ACSS2: variants seen among roughly 807,000 people sequenced by gnomAD.
ACSS2 encodes acetyl-coenzyme A synthetase, cytoplasmic.
Under a neutral mutation model 90.6 loss-of-function variants are expected in ACSS2, and 58 were observed. That is an observed-to-expected ratio of 0.64 (90% CI 0.52 to 0.80). The LOEUF (loss-of-function observed/expected upper bound fraction) is 0.80. Ranked by LOEUF, ACSS2 falls within the 30% of genes least tolerant of loss-of-function variation. ACSS2 has a pLI of 0.00. For missense variants in ACSS2, 759 were observed against 912.0 expected (o/e 0.83, Z 2.16); for synonymous variants, 300 against 330.9 (o/e 0.91, Z 1.01).
intron 14 of ACSS2, among the ~76,000 whole-genome samples, chr20:34,925,071 G>A (rs1181235591): frequency 1.3e-5 from 2 of 152,218 alleles, no homozygotes; most frequent in African/African-American, 2.4e-5. Flanking sequence ...ATGGAGAATA[G>A]AGTTTAGGTG....
chr20:34,879,050 G>A (rs1440262164), intron 1 of ACSS2, among the ~76,000 whole-genome samples: 1 of 151,216 alleles, frequency 6.6e-6, no homozygotes, highest in Non-Finnish European at 1.5e-5. Context: ...GACTACAGGC[G>A]CCCGCTACCA....
At chr20:34,879,527 A>ACACACACACC (rs1411624405) in intron 1 of ACSS2, among the ~76,000 whole-genome samples, 2 of 70,690 alleles carry the variant, frequency 2.8e-5, no homozygotes, top group African/African-American at 2.5e-4. Flanking sequence ...ACACACACAC[A>ACACACACACC]CCCCTACCCC....
chr20:34,922,689 A>T (rs2081229108), intron 13 of ACSS2, among the ~76,000 whole-genome samples: 1 of 152,372 alleles, frequency 6.6e-6, no homozygotes, highest in Non-Finnish European at 1.5e-5. Context: ...AGAGAAACTA[A>T]CAATTAGTAC....
chr20:34,901,385 A>G (rs934310764), intron 2 of ACSS2, among the ~76,000 whole-genome samples: 3 of 152,058 alleles, frequency 2.0e-5, no homozygotes, highest in African/African-American at 7.2e-5. Flanking sequence ...ATGAGCCACC[A>G]TATCTGGCCC....
chr20:34,899,772 T>C (rs2080601122), intron 2 of ACSS2, among the ~76,000 whole-genome samples: 1 of 151,950 alleles, frequency 6.6e-6, no homozygotes, highest in Admixed American at 6.6e-5. Context: ...CAGGCATGAG[T>C]CACCACACCT....
At chr20:34,890,176 G>A (rs1237911750) in intron 2 of ACSS2, among the ~76,000 whole-genome samples, 1 of 148,672 alleles carries the variant, frequency 6.7e-6, no homozygotes, top group African/African-American at 2.5e-5. Context: ...GTGTGTAGAT[G>A]GTGGAGAGAC....
chr20:34,919,852 T>G (rs904270837), intron 8 of ACSS2, among the ~76,000 whole-genome samples: 1 of 152,026 alleles, frequency 6.6e-6, no homozygotes, highest in African/African-American at 2.4e-5. Flanking sequence ...GAAGGAGAGC[T>G]ATTCTGTTAA....
intron 14 of ACSS2, among the ~76,000 whole-genome samples, chr20:34,923,801 T>TGCCCCCCCCCCCC (rs2081253773): frequency 9.3e-6 from 1 of 107,128 alleles, no homozygotes; most frequent in Admixed American, 1.0e-4. Flanking sequence ...GAGGGATCTG[T>TGCCCCCCCCCCCC]CCCCCCCGCC....
At chr20:34,903,754 G>T (rs1013702370) in intron 2 of ACSS2, among the ~76,000 whole-genome samples, 1 of 151,658 alleles carries the variant, frequency 6.6e-6, no homozygotes, top group Admixed American at 6.6e-5. Flanking sequence ...ATAAAGAGGG[G>T]AGCTGGGTGC....
chr20:34,909,042 A>C (rs1601343500), intron 2 of ACSS2: 1 of 387,156 alleles, frequency 2.6e-6, no homozygotes, highest in East Asian at 8.0e-5. Flanking sequence ...GCAGCTGAGA[A>C]AGATAATGAA....
At chr20:34,925,854 T>C (rs527604100) in intron 15 of ACSS2, 88 bp downstream of exon 15, 44 of 1,457,460 alleles carry the variant, frequency 3.0e-5, no homozygotes, top group Non-Finnish European at 3.9e-5. Flanking sequence ...CCCAGGAGTG[T>C]CCTTTGGCCA....
intron 2 of ACSS2, among the ~76,000 whole-genome samples, chr20:34,901,465 C>G (rs920357848): frequency 6.6e-6 from 1 of 152,086 alleles, no homozygotes; most frequent in Non-Finnish European, 1.5e-5. Context: ...CTCCTTCAGC[C>G]CTTCTTGATA....
intron 2 of ACSS2, among the ~76,000 whole-genome samples, chr20:34,886,811 A>G (rs987092694): frequency 6.6e-6 from 1 of 152,134 alleles, no homozygotes; most frequent in Non-Finnish European, 1.5e-5. Context: ...TAAAAATGAC[A>G]TCTTTTCTGT....
chr20:34,877,909 C>CAGAT (rs71196766), intron 1 of ACSS2, among the ~76,000 whole-genome samples: 8,035 of 146,558 alleles, frequency 0.055, 316 homozygotes, highest in Admixed American at 0.12. Flanking sequence ...GATAGATAGA[C>CAGAT]AGATAGATAG....
intron 2 of ACSS2, among the ~76,000 whole-genome samples, chr20:34,894,247 T>C (rs987047496): frequency 6.6e-6 from 1 of 152,034 alleles, no homozygotes; most frequent in Admixed American, 6.6e-5. Context: ...CCCAGAACTT[T>C]GGGAGACTGA....
intron 2 of ACSS2, among the ~76,000 whole-genome samples, chr20:34,889,057 T>A (rs113045671): frequency 7.9e-5 from 12 of 150,944 alleles, no homozygotes; most frequent in African/African-American, 2.7e-4. Context: ...CAGGCTGGAA[T>A]GCAGTGGTAC....
intron 1 of ACSS2, among the ~76,000 whole-genome samples, chr20:34,878,135 A>T (rs1490127716): frequency 1.3e-5 from 2 of 152,124 alleles, no homozygotes; most frequent in African/African-American, 4.8e-5. Context: ...AGGTTTTGCC[A>T]TGTTGCCCAG....
intron 2 of ACSS2, among the ~76,000 whole-genome samples, chr20:34,911,252 A>G (rs997378829): frequency 6.7e-6 from 1 of 150,220 alleles, no homozygotes; most frequent in African/African-American, 2.5e-5. Context: ...CAGTGGCACA[A>G]TCTTGGCCCA....
At chr20:34,886,191 C>T (rs1051260995) in intron 2 of ACSS2, among the ~76,000 whole-genome samples, 1 of 152,106 alleles carries the variant, frequency 6.6e-6, no homozygotes, top group African/African-American at 2.4e-5. Context: ...ATATACCTCT[C>T]TAACTTCCTT....
Sources: gnomAD v4.1 joint callset for allele counts (sites outside exome capture counted in the v4.1 genomes callset) on GRCh38, gnomAD v4.1.1 for gene constraint, MANE v1.5 for transcripts, NCBI Gene and HGNC (gene_info 2026-07-23, HGNC 2026-07-21) for gene names.